Variants in CDH18 observed in about 807,000 individuals in gnomAD.
The protein encoded by CDH18 is cadherin 18, also known as cadherin-18.
A neutral mutation model predicts 67.9 loss-of-function variants in CDH18; 31 were observed. The ratio of observed to expected loss-of-function variants is 0.46; its 90% CI spans 0.34 to 0.62. The LOEUF (loss-of-function observed/expected upper bound fraction) is 0.62. Ranked by LOEUF, CDH18 falls within the 20% of genes least tolerant of loss-of-function variation. The pLI is 0.01. For synonymous variants in CDH18, 362 were observed against 347.2 expected (o/e 1.04, Z -0.48); for missense variants, 890 against 975.5 (o/e 0.91, Z 1.17).
intron 5 of CDH18, among the ~76,000 whole-genome samples, chr5:19,656,552 G>A (rs1266212577): frequency 4.6e-5 from 7 of 152,026 alleles, no homozygotes; most frequent in Non-Finnish European, 1.0e-4. Flanking sequence ...AATTATTCCA[G>A]CTGAACTAGA....
chr5:19,977,923 G>A (rs1366429423), intron 2 of CDH18, among the ~76,000 whole-genome samples: 2 of 151,808 alleles, frequency 1.3e-5, no homozygotes, highest in East Asian at 1.9e-4. Context: ...AATTATATGA[G>A]GTTACATTTT....
chr5:20,122,013 C>A (rs933329958), intron 2 of CDH18, among the ~76,000 whole-genome samples: 1 of 152,276 alleles, frequency 6.6e-6, no homozygotes, highest in African/African-American at 2.4e-5. Context: ...AAGCTTAGAA[C>A]AGCACTGTTG....
At chr5:19,770,818 T>C (rs1321410749) in intron 3 of CDH18, among the ~76,000 whole-genome samples, 2 of 152,238 alleles carry the variant, frequency 1.3e-5, no homozygotes, top group East Asian at 3.9e-4. Flanking sequence ...TATTCATTTT[T>C]CTATGCTTGT....
At chr5:20,489,360 G>C (rs1753439651) in intron 1 of CDH18, among the ~76,000 whole-genome samples, 1 of 152,114 alleles carries the variant, frequency 6.6e-6, no homozygotes, top group South Asian at 2.1e-4. Context: ...GGGTAAATTG[G>C]TCCCAATCAT....
chr5:20,268,416 A>T (rs1473657541), intron 1 of CDH18, among the ~76,000 whole-genome samples: 2 of 152,146 alleles, frequency 1.3e-5, no homozygotes, highest in Non-Finnish European at 2.9e-5. Context: ...TGTTCTATGT[A>T]GGACTTCCTG....
At chr5:20,318,138 A>T (rs1267942847) in intron 1 of CDH18, among the ~76,000 whole-genome samples, 1 of 152,184 alleles carries the variant, frequency 6.6e-6, no homozygotes, top group Non-Finnish European at 1.5e-5. Flanking sequence ...CTGGTGGAAC[A>T]CTATGGACCT....
At chr5:19,801,724 TAC>T (rs2149850708) in intron 3 of CDH18, among the ~76,000 whole-genome samples, 1 of 152,328 alleles carries the variant, frequency 6.6e-6, no homozygotes, top group African/African-American at 2.4e-5. Flanking sequence ...CAACATTCTT[TAC>T]AGACACTAAG....
At chr5:19,850,195 T>C (rs777104986) in intron 2 of CDH18, among the ~76,000 whole-genome samples, 1 of 151,982 alleles carries the variant, frequency 6.6e-6, no homozygotes, top group Non-Finnish European at 1.5e-5. Flanking sequence ...GTCCTTAAAA[T>C]GTATGTAATA....
At chr5:20,376,281 G>C (rs1363922531) in intron 1 of CDH18, among the ~76,000 whole-genome samples, 2 of 151,042 alleles carry the variant, frequency 1.3e-5, no homozygotes, top group African/African-American at 4.9e-5. Flanking sequence ...TTTTAGTAGA[G>C]ACGGGGTTTC....
At chr5:20,250,929 T>C (rs1434982959) in intron 2 of CDH18, among the ~76,000 whole-genome samples, 3 of 152,252 alleles carry the variant, frequency 2.0e-5, no homozygotes, top group Middle Eastern at 3.4e-3. Context: ...TAGATAAAAA[T>C]TCAGTAAGTG....
In CDH18 at chr5:20,184,678, G is replaced by A. The variant is rs1737952635; in HGVS notation, c.-518+70766C>T. ...TTGTTTTATGTCTTCATAATTAGTT[G>A]GTCTATTGAAGATATTTTACATTTT... is the stretch of plus-strand genomic sequence containing the variant. On this transcript the variant is annotated intron_variant, in intron 2 of 14. Transcript: ENST00000507958. 2.6e-5 allele frequency among the ~76,000 whole-genome samples: 4 copies of A among 151,962 alleles called. No individual in the cohort carries two copies. The South Asian group carries it at 8.3e-4, about 31-fold the overall frequency.
At chr5:19,949,375 T>C (rs1449049094) in intron 2 of CDH18, among the ~76,000 whole-genome samples, 1 of 152,168 alleles carries the variant, frequency 6.6e-6, no homozygotes, top group African/African-American at 2.4e-5. Flanking sequence ...ATATTTCATG[T>C]AGAGGCAGAA....
rs141441864 is a variant in CDH18 at position 19,559,483 on chromosome 5, T to A, written c.1253+12096A>T. Among the ~76,000 whole-genome samples, 19 of 152,172 alleles carry A rather than the reference T, an allele frequency of 1.2e-4. 1 individual carries two copies. In the East Asian group the frequency reaches 3.7e-3, roughly 29 times the overall value. On this transcript the variant is annotated intron_variant, in intron 8 of 12. Transcript: ENST00000382275. Reference sequence around the variant, plus strand: ...TTGAACAAAATCCAGCATCCTTTTATGGTTAAAACACTCATCAAAAACACC... The same window carrying A: ...TTGAACAAAATCCAGCATCCTTTTAAGGTTAAAACACTCATCAAAAACACC...
chr5:20,508,669 G>A (rs1196138051), intron 1 of CDH18, among the ~76,000 whole-genome samples: 2 of 151,846 alleles, frequency 1.3e-5, no homozygotes, highest in African/African-American at 4.8e-5. Context: ...GTTTGCAGGA[G>A]TAAGAAAAGC....
At chr5:20,423,946 CA>C (rs553723574) in intron 1 of CDH18, among the ~76,000 whole-genome samples, 682 of 63,738 alleles carry the variant, frequency 0.011, no homozygotes, top group African/African-American at 0.013. Context: ...GACTCCGTCT[CA>C]AAAAAAAAAA....
intron 2 of CDH18, among the ~76,000 whole-genome samples, chr5:19,915,373 C>A (rs1391283358): frequency 6.6e-6 from 1 of 152,080 alleles, no homozygotes; most frequent in Non-Finnish European, 1.5e-5. Flanking sequence ...GTTGAGGCGC[C>A]AACCCCTGCA....
chr5:20,097,656 T>A (rs1487062589), intron 2 of CDH18, among the ~76,000 whole-genome samples: 1 of 152,206 alleles, frequency 6.6e-6, no homozygotes, highest in Non-Finnish European at 1.5e-5. Context: ...TTGGGTGTCC[T>A]ATTATTTCCG....
intron 2 of CDH18, among the ~76,000 whole-genome samples, chr5:20,087,546 A>G (rs1438702988): frequency 6.6e-6 from 1 of 152,062 alleles, no homozygotes; most frequent in African/African-American, 2.4e-5. Context: ...AGTGACCTTA[A>G]CCTTCAGCAA....
intron 2 of CDH18, among the ~76,000 whole-genome samples, chr5:20,043,267 C>T (rs996330150): frequency 6.6e-6 from 1 of 152,116 alleles, no homozygotes; most frequent in Admixed American, 6.5e-5. Context: ...CAGACTGCAT[C>T]CACCCTTCCT....
Sources: allele counts gnomAD v4.1 joint callset (sites outside exome capture counted in the v4.1 genomes callset), GRCh38; gene constraint gnomAD v4.1.1; transcripts MANE v1.5; gene names NCBI Gene and HGNC (gene_info 2026-07-23, HGNC 2026-07-21).